KLHL8: variants seen among roughly 807,000 people sequenced by gnomAD.
KLHL8 encodes kelch like family member 8.
KLHL8 carries 38 observed loss-of-function variants against 63.5 expected under a neutral mutation model. The observed-to-expected ratio is 0.60, with a 90% CI of 0.46 to 0.78. The LOEUF is 0.78. Among genes scored for constraint, KLHL8 ranks in the 30% least tolerant of loss-of-function variants. KLHL8 has a pLI of 0.00. For missense variants in KLHL8, 566 were observed against 752.4 expected (o/e 0.75, Z 2.90); for synonymous variants, 224 against 254.3 (o/e 0.88, Z 1.13).
chr4:87,168,039 C>A (rs1231291723), intron 8 of KLHL8, among the ~76,000 whole-genome samples: 1 of 152,192 alleles, frequency 6.6e-6, no homozygotes, highest in Non-Finnish European at 1.5e-5. Flanking sequence ...TTACCCCACA[C>A]CCCGCCCCCC....
At chr4:87,179,125 A>G (rs986739756) in intron 4 of KLHL8, among the ~76,000 whole-genome samples, 3 of 152,152 alleles carry the variant, frequency 2.0e-5, no homozygotes, top group Non-Finnish European at 2.9e-5. Context: ...CATCTATATC[A>G]TAACACCTTC....
Position 87,214,415 on chromosome 4 carries a change from GATATATATATATATATATATAT to G in KLHL8, c.-152+5981_-152+6002del, listed in dbSNP as rs58112792. 2.2e-3 allele frequency among the ~76,000 whole-genome samples: 209 copies of G among 93,110 alleles called. 5 individuals carry two copies. Among genetic ancestry groups the G allele is most frequent in the South Asian group, 5.3e-3 (14 of 2,644 alleles). 61.1% of individuals were successfully genotyped at this position (93,110 alleles called of 152,430 possible). On this transcript the variant is annotated intron_variant, in intron 1 of 9. Coordinates refer to ENST00000273963, the MANE Select transcript of KLHL8 (RefSeq NM_020803.5). Reference sequence around the variant, plus strand: ...TGAGTTAACAAACTGGCACATAACAGATATATATATATATATATATATATATATATATATATATATATATAAT... The same window carrying G: ...TGAGTTAACAAACTGGCACATAACAGATATATATATATATATATATATAAT...
At chr4:87,224,805 G>A (rs1180898350), upstream of KLHL8, among the ~76,000 whole-genome samples, 1 of 152,156 alleles carries the variant, frequency 6.6e-6, no homozygotes, top group African/African-American at 2.4e-5. Context: ...ATTAATGACA[G>A]TTCTTCCATC....
chr4:87,180,625 C>G (rs1041724541), intron 4 of KLHL8, among the ~76,000 whole-genome samples: 1 of 152,178 alleles, frequency 6.6e-6, no homozygotes, highest in Non-Finnish European at 1.5e-5. Context: ...TATGTTTAAC[C>G]CAGAGCCTTT....
At chr4:87,173,050 C>T (rs2149832589) in intron 6 of KLHL8, among the ~76,000 whole-genome samples, 1 of 152,340 alleles carries the variant, frequency 6.6e-6, no homozygotes, top group East Asian at 1.9e-4. Context: ...CACTCTTCCC[C>T]TTAATCTTCC....
chr4:87,196,343 T>G (rs1731702059), intron 1 of KLHL8, among the ~76,000 whole-genome samples: 1 of 152,172 alleles, frequency 6.6e-6, no homozygotes, highest in Non-Finnish European at 1.5e-5. Flanking sequence ...AACACTAGTA[T>G]AGCTGCCTTC....
In KLHL8 at chr4:87,184,542, A is replaced by G. The variant is rs568534911; in HGVS notation, c.765+709T>C. On this transcript the variant is annotated intron_variant, in intron 3 of 9. Coordinates refer to ENST00000273963, the MANE Select transcript of KLHL8 (RefSeq NM_020803.5). ...TTAACAAAGCATTTAATTTAGAAAAAATAAGTAAATAAGAACACTCTTCTT... is the reference window on the plus strand; with the variant it reads ...TTAACAAAGCATTTAATTTAGAAAAGATAAGTAAATAAGAACACTCTTCTT... Among the ~76,000 whole-genome samples the G allele has an allele frequency of 2.0e-5, 3 of 152,292 alleles. No individual in the cohort carries two copies. The South Asian group carries it at 6.2e-4, about 32-fold the overall frequency.
At chr4:87,232,980 T>C (rs1281473938) in intron 1 of KLHL8, among the ~76,000 whole-genome samples, 3 of 152,106 alleles carry the variant, frequency 2.0e-5, no homozygotes, top group African/African-American at 7.2e-5. Flanking sequence ...CTTCTTCCAG[T>C]TTGTGACTTG....
At chr4:87,198,989 C>T (rs972309487) in intron 1 of KLHL8, among the ~76,000 whole-genome samples, 1 of 152,062 alleles carries the variant, frequency 6.6e-6, no homozygotes, top group Non-Finnish European at 1.5e-5. Context: ...TACTTCTTAC[C>T]ACTGCAAGTG....
chr4:87,202,447 T>C (rs1360974861), intron 1 of KLHL8, among the ~76,000 whole-genome samples: 1 of 152,074 alleles, frequency 6.6e-6, no homozygotes, highest in Non-Finnish European at 1.5e-5. Context: ...GATAAACATC[T>C]GGCAAAAAAG....
chr4:87,192,013 T>C (rs939113825), intron 2 of KLHL8, among the ~76,000 whole-genome samples: 1 of 152,214 alleles, frequency 6.6e-6, no homozygotes, highest in African/African-American at 2.4e-5. Context: ...AATCCACCAC[T>C]GATGGGCACC....
chr4:87,239,496 C>A (rs540846534), intron 1 of KLHL8, among the ~76,000 whole-genome samples: 1 of 152,160 alleles, frequency 6.6e-6, no homozygotes, highest in Admixed American at 6.5e-5. Flanking sequence ...AAGGAACATG[C>A]GCACTTCTAA....
At chr4:87,174,642 C>G (rs761053771) in intron 6 of KLHL8, among the ~76,000 whole-genome samples, 5 of 152,144 alleles carry the variant, frequency 3.3e-5, no homozygotes, top group Non-Finnish European at 7.3e-5. Context: ...AGATAGCCCT[C>G]TTCTCTCTTC....
chr4:87,185,285 T>C lies in KLHL8; in HGVS notation c.731A>G (p.His244Arg), dbSNP rs1395196350. Residue 244 changes from histidine to arginine, a missense_variant, in exon 3 of 10, where the codon CAT (histidine) becomes CGT (arginine). His to Arg is a conservative substitution (Grantham distance 29). Transcript: ENST00000273963. The stretch of plus-strand genomic sequence containing the variant: ...TGTTTCATCCAACCATTTGGAATGA[T>C]GCTGAGGATTGGCAAGAAGCCACTT... ...AIKWLLANPQHHSKWLDETLA... is the reference protein window; with the variant it reads ...AIKWLLANPQRHSKWLDETLA... 1.9e-6 allele frequency: 3 copies of C among 1,614,006 alleles called. No individual in the cohort carries two copies. The highest frequency in any genetic ancestry group is 2.5e-6 in the Non-Finnish European group (3 of 1,179,892).
intron 2 of KLHL8, 143 bp downstream of exon 2, chr4:87,195,181 T>C: frequency 1.7e-6 from 1 of 597,538 alleles, no homozygotes; most frequent in East Asian, 2.9e-5. Flanking sequence ...TCTCCTACAC[T>C]AAAAAAAAAG....
chr4:87,231,075 CCT>C (rs1733128740), intron 1 of KLHL8, among the ~76,000 whole-genome samples: 1 of 151,986 alleles, frequency 6.6e-6, no homozygotes, highest in South Asian at 2.1e-4. Flanking sequence ...AGAAGTTTGT[CCT>C]CTCTCCCCTC....
At chr4:87,199,616 T>A (rs1489135612) in intron 1 of KLHL8, among the ~76,000 whole-genome samples, 4 of 151,068 alleles carry the variant, frequency 2.6e-5, no homozygotes, top group Non-Finnish European at 5.9e-5. Context: ...TGAAAAGGGG[T>A]TAATATCCAG....
chr4:87,235,432 T>C (rs1733209253), intron 1 of KLHL8, among the ~76,000 whole-genome samples: 1 of 152,210 alleles, frequency 6.6e-6, no homozygotes, highest in Non-Finnish European at 1.5e-5. Flanking sequence ...TGTAGTAGGC[T>C]ATACCATCTA....
Position 87,178,466 on chromosome 4 carries a change from A to G in KLHL8, c.1096+11T>C. 1.3e-6 allele frequency: 2 copies of G among 1,599,040 alleles called. No individual in the cohort carries two copies. Among genetic ancestry groups the G allele is most frequent in the Non-Finnish European group, 1.7e-6 (2 of 1,175,792 alleles). ...GTGATCATATGATATTTCAGACAAGAGTGGACCCACCTTCCACAGAGATTA... is the reference window on the plus strand; with the variant it reads ...GTGATCATATGATATTTCAGACAAGGGTGGACCCACCTTCCACAGAGATTA... On this transcript the variant is annotated intron_variant, in intron 5 of 9. Transcript: ENST00000273963.
Sources: gnomAD v4.1 joint callset for allele counts (sites outside exome capture counted in the v4.1 genomes callset) on GRCh38, gnomAD v4.1.1 for gene constraint, MANE v1.5 for transcripts, NCBI Gene and HGNC (gene_info 2026-07-23, HGNC 2026-07-21) for gene names.